The following PCDHGA10 variants were observed in gnomAD, a reference collection of about 807,000 sequenced individuals.
PCDHGA10 encodes the protein protocadherin gamma-A10.
Under a neutral mutation model 59.5 loss-of-function variants are expected in PCDHGA10, and 42 were observed. That is an observed-to-expected ratio of 0.71 (90% confidence interval 0.55 to 0.91). The LOEUF is 0.91. Ranked by LOEUF, PCDHGA10 falls within the 40% of genes least tolerant of loss-of-function variation. The probability of loss-of-function intolerance (pLI) is 0.00; values close to 1 mark genes in which losing one functional copy is unlikely to be tolerated. For missense variants in PCDHGA10, 1,111 were observed against 1,198.2 expected (o/e 0.93, Z 1.07); for synonymous variants, 511 against 517.2 (o/e 0.99, Z 0.16).
chr5:141,419,018 AG>A (rs2096314197), intron 1 of PCDHGA10: 1 of 1,613,838 alleles, frequency 6.2e-7, no homozygotes, highest in African/African-American at 1.3e-5. Context: ...GTGTAGCTTA[AG>A]TAGAGGTGTT....
At chr5:141,465,856 C>T (rs1442431032) in intron 1 of PCDHGA10, among the ~76,000 whole-genome samples, 1 of 152,184 alleles carries the variant, frequency 6.6e-6, no homozygotes, top group East Asian at 1.9e-4. Context: ...GGCCCAGTGG[C>T]TCATGCCTGT....
At chr5:141,494,890 C>A (rs1483157263) in intron 2 of PCDHGA10, 25 bp downstream of exon 2, 1 of 1,614,120 alleles carries the variant, frequency 6.2e-7, no homozygotes. Context: ...CTCCAGCCCA[C>A]CCTCTTCTCT....
rs1032445242 is a variant in PCDHGA10 at position 141,487,571 on chromosome 5, G to C, written c.2437-7236G>C. The C allele has an allele frequency of 6.2e-7, 1 of 1,614,060 alleles. No homozygotes were observed. The highest frequency in any genetic ancestry group is 8.5e-7 in the Non-Finnish European group (1 of 1,180,046). ...CAGTGCACCTATGGCAGGGGAGCCTGTTCGCCCAAGCTGCCCACCCTCTGA... is the reference window on the plus strand; with the variant it reads ...CAGTGCACCTATGGCAGGGGAGCCTCTTCGCCCAAGCTGCCCACCCTCTGA... On this transcript the variant is annotated intron_variant, in intron 1 of 3. Transcript: ENST00000398610. This position sits in a 1 kb window ranked among gnomAD's most constrained non-coding sequence, Gnocchi z 5.0.
At chr5:141,438,957 CACCCTGCCA>C (rs1022731551) in intron 1 of PCDHGA10, among the ~76,000 whole-genome samples, 2 of 152,144 alleles carry the variant, frequency 1.3e-5, no homozygotes, top group East Asian at 3.9e-4. Flanking sequence ...TGAGCCACCG[CACCCTGCCA>C]ACTGTCTGAC....
chr5:141,478,127 C>T (rs1323163663), intron 1 of PCDHGA10: 1 of 1,613,988 alleles, frequency 6.2e-7, no homozygotes, highest in Admixed American at 1.7e-5. Flanking sequence ...CGAGGACTCT[C>T]CTGAAGCCCG....
chr5:141,423,744 A>T, intron 1 of PCDHGA10: 4 of 429,458 alleles, frequency 9.3e-6, no homozygotes, highest in Non-Finnish European at 8.7e-6. Context: ...TGTTATGAAA[A>T]CTGTTTGGGG....
At chr5:141,473,039 A>G (rs1593411714) in intron 1 of PCDHGA10, among the ~76,000 whole-genome samples, 1 of 152,016 alleles carries the variant, frequency 6.6e-6, no homozygotes, top group East Asian at 1.9e-4. Context: ...GGAAGGAAAG[A>G]AAGAAAGAAG....
intron 1 of PCDHGA10, chr5:141,478,323 G>T (rs1234175290): frequency 1.2e-6 from 2 of 1,613,958 alleles, no homozygotes; most frequent in African/African-American, 2.7e-5. Context: ...TCACTGTACC[G>T]AACACCAGGG....
intron 2 of PCDHGA10, among the ~76,000 whole-genome samples, chr5:141,496,406 G>C (rs1485949584): frequency 6.6e-6 from 1 of 152,160 alleles, no homozygotes; most frequent in African/African-American, 2.4e-5. Flanking sequence ...CTCAATGGTT[G>C]AGTACTTGCT....
chr5:141,432,173 G>C lies in PCDHGA10; in HGVS notation c.2436+16562G>C, dbSNP rs771177256. On this transcript the variant is annotated intron_variant, in intron 1 of 3. Transcript: ENST00000398610. This position sits in a 1 kb window ranked among gnomAD's most constrained non-coding sequence, Gnocchi z 6.0. ...GAACAATCCCAGAGGAGTTTCCCTC[G>C]TCTCTGTGACCGCCCACGACCCCGA... The C allele has an allele frequency of 3.1e-6, 5 of 1,614,054 alleles. No homozygotes were observed. Among genetic ancestry groups the C allele is most frequent in the South Asian group, 1.1e-5 (1 of 91,054 alleles).
chr5:141,470,791 A>G (rs1234712958), intron 1 of PCDHGA10, among the ~76,000 whole-genome samples: 3 of 152,152 alleles, frequency 2.0e-5, no homozygotes, highest in African/African-American at 7.2e-5. Context: ...GGGCTCAAGC[A>G]ATCCTCCCAC....
chr5:141,484,002 A>T, intron 1 of PCDHGA10, among the ~76,000 whole-genome samples: 1 of 25,484 alleles, frequency 3.9e-5, no homozygotes, highest in African/African-American at 1.7e-4. Context: ...GGAGGTCTGG[A>T]TGAGGGTGGG....
Position 141,486,632 on chromosome 5 carries a change from A to G in PCDHGA10, c.2437-8175A>G, listed in dbSNP as rs1304397413. The G allele has an allele frequency of 6.2e-7, 1 of 1,613,580 alleles. No individual in the cohort carries two copies. Among genetic ancestry groups the G allele is most frequent in the Non-Finnish European group, 8.5e-7 (1 of 1,180,040 alleles). ...AGCCTCTGACCCAGACTCTGGCTTG[A>G]ATGCGCTTATCTCCTACTCACTCCT... On this transcript the variant is annotated intron_variant, in intron 1 of 3. Coordinates refer to ENST00000398610, the MANE Select transcript of PCDHGA10 (RefSeq NM_018913.3). This position sits in a 1 kb window ranked among gnomAD's most constrained non-coding sequence, Gnocchi z 5.0.
chr5:141,488,312 A>G lies in PCDHGA10; in HGVS notation c.2437-6495A>G, dbSNP rs952247975. 7.9e-5 allele frequency among the ~76,000 whole-genome samples: 12 copies of G among 152,286 alleles called. 1 individual carries two copies. Among genetic ancestry groups the G allele is most frequent in the African/African-American group, 2.9e-4 (12 of 41,558 alleles). On this transcript the variant is annotated intron_variant, in intron 1 of 3. Coordinates refer to ENST00000398610, the MANE Select transcript of PCDHGA10 (RefSeq NM_018913.3). ...AGTAAGTGAAATCACTTATGTCAGA[A>G]AACTGGTTTACAGTTGGCTGATTCA...
intron 1 of PCDHGA10, chr5:141,423,755 G>T (rs1236551808): frequency 9.8e-6 from 5 of 512,508 alleles, no homozygotes; most frequent in Non-Finnish European, 1.3e-5. Flanking sequence ...CTGTTTGGGG[G>T]GGGGGTGGGG....
intron 1 of PCDHGA10, among the ~76,000 whole-genome samples, chr5:141,466,863 C>A (rs1409042461): frequency 1.3e-5 from 2 of 152,070 alleles, no homozygotes; most frequent in African/African-American, 4.8e-5. Context: ...ATTTTGAAAT[C>A]CACACATTTT....
At chr5:141,497,665 G>A (rs1011161465) in intron 2 of PCDHGA10, among the ~76,000 whole-genome samples, 3 of 151,348 alleles carry the variant, frequency 2.0e-5, no homozygotes, top group South Asian at 2.1e-4. Flanking sequence ...TCAGCCTCCC[G>A]AGTAGCTGGG....
chr5:141,507,619 G>T (rs1237918589), intron 3 of PCDHGA10, among the ~76,000 whole-genome samples: 22 of 152,256 alleles, frequency 1.4e-4, no homozygotes, highest in Admixed American at 1.4e-3. Context: ...ATATTTAGCT[G>T]TTGTGGCCTT....
chr5:141,423,236 C>G, intron 1 of PCDHGA10: 1 of 1,613,920 alleles, frequency 6.2e-7, no homozygotes, highest in Non-Finnish European at 8.5e-7. Flanking sequence ...GACAGCATCC[C>G]CGAAGTCCTG....
Sources: allele counts gnomAD v4.1 joint callset (sites outside exome capture counted in the v4.1 genomes callset), GRCh38; gene constraint gnomAD v4.1.1; non-coding constraint Gnocchi (gnomAD v3.1); transcripts MANE v1.5; gene names NCBI Gene and HGNC (gene_info 2026-07-23, HGNC 2026-07-21).